Variants in PTHLH observed in about 807,000 individuals in gnomAD.
PTHLH encodes the protein parathyroid hormone like hormone, also known as parathyroid hormone-related protein.
PTHLH carries 5 observed loss-of-function variants against 18.6 expected under a neutral mutation model. That is an observed-to-expected ratio of 0.27 (90% confidence interval 0.14 to 0.56). The LOEUF is 0.56. PTHLH is among the 20% of genes least tolerant of loss of function. The pLI is 0.92. For synonymous variants in PTHLH, 90 were observed against 94.0 expected (o/e 0.96, Z 0.25); for missense variants, 207 against 223.9 (o/e 0.92, Z 0.48).
chr12:27,962,064 T>A (rs751214486), intron 5 of PTHLH: 18 of 604,810 alleles, frequency 3.0e-5, no homozygotes, highest in South Asian at 2.3e-4. Context: ...AGGGCAAACA[T>A]AGCACTGTCT....
intron 5 of PTHLH, among the ~76,000 whole-genome samples, chr12:27,959,097 G>T (rs1051529896): frequency 6.6e-6 from 1 of 152,202 alleles, no homozygotes; most frequent in Admixed American, 6.5e-5. Context: ...GGGAACAATT[G>T]GAAGGATGTG....
At chr12:27,961,301 G>GTATATA (rs56920245) in intron 5 of PTHLH, among the ~76,000 whole-genome samples, 2 of 84,558 alleles carry the variant, frequency 2.4e-5, no homozygotes, top group East Asian at 3.2e-4. Context: ...ATATATATAC[G>GTATATA]TATATATATA....
rs71450770 is a variant in PTHLH at position 27,972,023 on chromosome 12, T to TAAAAA, written c.-358-9_-358-5dup. The TAAAAA allele has an allele frequency of 4.2e-4, 23 of 55,350 alleles. No individual in the cohort carries two copies. Among genetic ancestry groups the TAAAAA allele is most frequent in the Non-Finnish European group, 6.1e-4 (17 of 28,018 alleles). 3.4% of individuals were successfully genotyped at this position (55,350 alleles called of 1,614,324 possible). ...CGTTAGATCTGAAGGGGGAAATCTG[T>TAAAAA]AAAAAAAAAAAAAAAAAAAAAAAAA... On this transcript the variant is annotated splice_region_variant and splice_polypyrimidine_tract_variant and intron_variant, in intron 1 of 5. Transcript: ENST00000545234.
intron 5 of PTHLH, chr12:27,962,680 C>G (rs918500913): frequency 8.1e-6 from 8 of 984,454 alleles, no homozygotes; most frequent in Non-Finnish European, 1.2e-6. Flanking sequence ...AAACCTATAT[C>G]CTTGTAAGTT....
chr12:27,969,134 A>C, intron 4 of PTHLH: 49 of 510,538 alleles, frequency 9.6e-5, no homozygotes, highest in Non-Finnish European at 1.1e-4. Context: ...TTTCCCTAGA[A>C]GAGATTCTGT....
chr12:27,966,044 C>A (rs1305517041), intron 4 of PTHLH, among the ~76,000 whole-genome samples: 1 of 152,164 alleles, frequency 6.6e-6, no homozygotes, highest in East Asian at 1.9e-4. Context: ...TAACTTGAGG[C>A]CAAAACTTTT....
Position 27,958,573 on chromosome 12 carries a change from A to G in PTHLH, c.525-5T>C. The G allele has an allele frequency of 6.4e-7, 1 of 1,570,000 alleles. No homozygotes were observed. Among genetic ancestry groups the G allele is most frequent in the Non-Finnish European group, 8.7e-7 (1 of 1,155,758 alleles). On this transcript the variant is annotated splice_region_variant and splice_polypyrimidine_tract_variant and intron_variant, in intron 5 of 5. Coordinates refer to ENST00000545234, the MANE Select transcript of PTHLH (RefSeq NM_198965.2). ...TGCTGAAAATTTCAATGCCTCCTGC[A>G]AAAAGAAGGAAGAGAAAGAAAAGGA...
At chr12:27,971,212 G>T (rs903954427) in intron 2 of PTHLH, among the ~76,000 whole-genome samples, 1 of 152,154 alleles carries the variant, frequency 6.6e-6, no homozygotes, top group African/African-American at 2.4e-5. Flanking sequence ...GCTGCAGCCA[G>T]CGGACAGATG....
Position 27,958,535 on chromosome 12 carries a change from CTTGGAA to C in PTHLH, c.*18_*23del. ...CTATTACAGAATCCTGCAATATGTC[CTTGGAA>C]GGTCTCTGCTGAAAATTTCAATGCC... On this transcript the variant is annotated 3_prime_UTR_variant, in exon 6 of 6. Transcript: ENST00000545234. 1 of 1,567,754 alleles carries C rather than the reference CTTGGAA, an allele frequency of 6.4e-7. No homozygotes were observed. The highest frequency in any genetic ancestry group is 8.7e-7 in the Non-Finnish European group (1 of 1,153,206).
At chr12:27,965,181 G>A (rs1022273525) in intron 4 of PTHLH, among the ~76,000 whole-genome samples, 1 of 152,226 alleles carries the variant, frequency 6.6e-6, no homozygotes. Flanking sequence ...TCTACACAAT[G>A]AGAACTGGCA....
At chr12:27,969,713 T>A in intron 3 of PTHLH, 197 bp from the exon 4 acceptor site, 1 of 750,484 alleles carries the variant, frequency 1.3e-6, no homozygotes, top group Admixed American at 1.7e-5. Flanking sequence ...AACTGTGCTT[T>A]CTCCAAACCA....
chr12:27,964,644 T>C (rs1456807264), intron 4 of PTHLH, among the ~76,000 whole-genome samples: 1 of 152,160 alleles, frequency 6.6e-6, no homozygotes, highest in East Asian at 1.9e-4. Flanking sequence ...GTATGATCCT[T>C]ACTACTTAGT....
At position 27,963,668 on chromosome 12, in the gene PTHLH, G is replaced by C. The variant is rs763783691; in HGVS notation, c.204C>G (p.His68Gln). 1 of 1,613,750 alleles carries C rather than the reference G, an allele frequency of 6.2e-7. No homozygotes were observed. The highest frequency in any genetic ancestry group is 1.1e-5 in the South Asian group (1 of 90,992). Residue 68 changes from histidine to glutamine, a missense_variant, in exon 5 of 6, where the codon CAC (histidine) becomes CAG (glutamine). By Grantham distance (24) the His-to-Gln change is conservative (BLOSUM62 0). Coordinates refer to ENST00000545234, the MANE Select transcript of PTHLH (RefSeq NM_198965.2). The part of the protein sequence containing the change: ...FFLHHLIAEI[H>Q]TAEIRATSEV... ...CCGAGGTAGCTCTGATTTCAGCTGT[G>C]TGGATTTCTGCGATCAGATGGTGAA... is the stretch of plus-strand genomic sequence containing the variant.
rs1412727608 is a variant in PTHLH, at chr12:27,969,483, T to G, written c.12A>C (p.Arg4Ser). 5 of 1,584,828 alleles carry G rather than the reference T, an allele frequency of 3.2e-6. No individual in the cohort carries two copies. The highest frequency in any genetic ancestry group is 3.4e-6 in the Non-Finnish European group (4 of 1,167,504). Residue 4 changes from arginine (R) to serine (S), a missense_variant, in exon 4 of 6, where the codon AGA (arginine) becomes AGC (serine). By Grantham distance (110) the Arg-to-Ser change is moderately radical. Coordinates refer to ENST00000545234, the MANE Select transcript of PTHLH (RefSeq NM_198965.2). The part of the protein sequence containing the change: MQR[R>S]LVQQWSVAVF... ...CCGCGACGCTCCACTGCTGAACCAG[T>G]CTCCGCTGCATCGTCTCCGCTCGCG...
chr12:27,969,512 G>A lies in PTHLH; in HGVS notation c.-18C>T, dbSNP rs1163801448. On this transcript the variant is annotated 5_prime_UTR_variant, in exon 4 of 6. Coordinates refer to ENST00000545234, the MANE Select transcript of PTHLH (RefSeq NM_198965.2). Reference sequence around the variant, plus strand: ...CGCTGCATCGTCTCCGCTCGCGCTCGGGACCTGCAACAGAAGGGAATGGGA... The same window carrying A: ...CGCTGCATCGTCTCCGCTCGCGCTCAGGACCTGCAACAGAAGGGAATGGGA... 1.9e-6 allele frequency: 3 copies of A among 1,557,958 alleles called. No individual in the cohort carries two copies. Among genetic ancestry groups the A allele is most frequent in the South Asian group, 1.2e-5 (1 of 85,136 alleles).
intron 5 of PTHLH, among the ~76,000 whole-genome samples, chr12:27,961,271 T>C (rs1056178289): frequency 1.8e-5 from 1 of 54,512 alleles, no homozygotes. Flanking sequence ...CCTCTTTTTA[T>C]AACTCATATA....
chr12:27,971,132 AC>A (rs1196517522), intron 2 of PTHLH, among the ~76,000 whole-genome samples: 1 of 151,462 alleles, frequency 6.6e-6, no homozygotes, highest in African/African-American at 2.4e-5. Context: ...TTTCTCTGAT[AC>A]CCTACCTGCT....
chr12:27,958,691 A>G, intron 5 of PTHLH, 123 bp from the exon 6 acceptor site: 1 of 919,716 alleles, frequency 1.1e-6, no homozygotes. Flanking sequence ...AGATTCAGGG[A>G]ACTTCTTGTA....
intron 5 of PTHLH, chr12:27,962,973 A>T: frequency 8.8e-7 from 1 of 1,140,500 alleles, no homozygotes; most frequent in Non-Finnish European, 1.1e-6. Context: ...AACACTGAAG[A>T]AAGTTTGCCC....
Sources: allele counts gnomAD v4.1 joint callset (sites outside exome capture counted in the v4.1 genomes callset), GRCh38; gene constraint gnomAD v4.1.1; transcripts MANE v1.5; gene names NCBI Gene and HGNC (gene_info 2026-07-23, HGNC 2026-07-21).